The following GRM7 variants were observed in gnomAD, a reference collection of about 807,000 sequenced individuals.
GRM7 encodes the protein glutamate metabotropic receptor 7.
GRM7 carries 35 observed loss-of-function variants against 84.5 expected under a neutral mutation model. The ratio of observed to expected loss-of-function variants is 0.41; its 90% CI spans 0.32 to 0.55. GRM7 has a LOEUF of 0.55. Ranked by LOEUF, GRM7 falls within the 20% of genes least tolerant of loss-of-function variation. The pLI is 0.19. For missense variants in GRM7, 1,003 were observed against 1,194.6 expected (o/e 0.84, Z 2.36); for synonymous variants, 487 against 455.1 (o/e 1.07, Z -0.89).
intron 9 of GRM7, among the ~76,000 whole-genome samples, chr3:7,692,892 T>A (rs1035103082): frequency 2.6e-5 from 4 of 152,138 alleles, no homozygotes; most frequent in African/African-American, 9.7e-5. Context: ...TTGCTAAAGA[T>A]TAGATAGGTC....
intron 8 of GRM7, among the ~76,000 whole-genome samples, chr3:7,642,920 A>G (rs1319523157): frequency 2.0e-5 from 3 of 152,120 alleles, no homozygotes; most frequent in Non-Finnish European, 4.4e-5. Context: ...TGTTATCTAC[A>G]AGCAGAGAAC....
chr3:6,892,170 T>C (rs1695982064), intron 1 of GRM7, among the ~76,000 whole-genome samples: 1 of 152,186 alleles, frequency 6.6e-6, no homozygotes, highest in African/African-American at 2.4e-5. Context: ...TCCTTGAAAC[T>C]GGAAGACAGT....
chr3:7,222,952 G>T (rs915412374), intron 2 of GRM7, among the ~76,000 whole-genome samples: 1 of 152,136 alleles, frequency 6.6e-6, no homozygotes, highest in Non-Finnish European at 1.5e-5. Context: ...AGCATATCTG[G>T]ATAGTGAGTT....
At chr3:7,058,294 C>G (rs1244735487) in intron 1 of GRM7, among the ~76,000 whole-genome samples, 3 of 151,866 alleles carry the variant, frequency 2.0e-5, no homozygotes, top group African/African-American at 4.8e-5. Flanking sequence ...ATTTTTAATT[C>G]ACATATTTAT....
At chr3:6,945,757 A>C (rs1698054091) in intron 1 of GRM7, among the ~76,000 whole-genome samples, 2 of 152,186 alleles carry the variant, frequency 1.3e-5, no homozygotes, top group South Asian at 4.1e-4. Context: ...TCGCCATTCT[A>C]ACCGGTGTGA....
intron 1 of GRM7, among the ~76,000 whole-genome samples, chr3:7,116,772 G>T (rs1169436431): frequency 6.6e-6 from 1 of 151,844 alleles, no homozygotes; most frequent in Non-Finnish European, 1.5e-5. Flanking sequence ...GGTTTATTTT[G>T]TTGCAAAATA....
intron 5 of GRM7, among the ~76,000 whole-genome samples, chr3:7,425,823 G>T (rs1262244990): frequency 1.3e-5 from 2 of 152,120 alleles, no homozygotes; most frequent in Non-Finnish European, 2.9e-5. Context: ...AGCTGAAATG[G>T]TTCTCCTTTT....
At chr3:7,173,626 C>T (rs1389634929) in intron 2 of GRM7, among the ~76,000 whole-genome samples, 1 of 152,122 alleles carries the variant, frequency 6.6e-6, no homozygotes. Flanking sequence ...CTTTGCTGTT[C>T]CTCAAATACA....
chr3:7,703,402 A>T (rs1322909428), intron 9 of GRM7, among the ~76,000 whole-genome samples: 1 of 151,696 alleles, frequency 6.6e-6, no homozygotes, highest in Non-Finnish European at 1.5e-5. Context: ...CTTACTAAAA[A>T]ATTCTTATGA....
chr3:7,287,817 G>A (rs1368018589), intron 2 of GRM7, among the ~76,000 whole-genome samples: 2 of 152,016 alleles, frequency 1.3e-5, no homozygotes, highest in African/African-American at 2.4e-5. Context: ...AGTTTGCTGC[G>A]GGACTAATGT....
chr3:6,994,778 G>A (rs1694774923), intron 1 of GRM7, among the ~76,000 whole-genome samples: 1 of 152,178 alleles, frequency 6.6e-6, no homozygotes, highest in African/African-American at 2.4e-5. Flanking sequence ...TGACCATATA[G>A]TAGGTGCTTT....
chr3:7,691,108 T>TAATC (rs1178676040), intron 9 of GRM7: 16 of 456,384 alleles, frequency 3.5e-5, no homozygotes, highest in Admixed American at 2.5e-4. Context: ...GAATCAAAGG[T>TAATC]AATCATTATT....
chr3:6,912,579 A>G (rs531840334), intron 1 of GRM7, among the ~76,000 whole-genome samples: 6 of 152,284 alleles, frequency 3.9e-5, no homozygotes, highest in South Asian at 2.1e-4. Flanking sequence ...CATACAGATC[A>G]GCTGATTCTA....
intron 2 of GRM7, among the ~76,000 whole-genome samples, chr3:7,194,115 AT>A (rs1412689301): frequency 2.6e-5 from 4 of 152,110 alleles, no homozygotes; most frequent in East Asian, 1.9e-4. Flanking sequence ...TAGAAAAAAA[AT>A]ATTGTATAAA....
intron 1 of GRM7, among the ~76,000 whole-genome samples, chr3:7,061,910 A>G (rs574110514): frequency 6.6e-6 from 1 of 151,818 alleles, no homozygotes; most frequent in South Asian, 2.1e-4. Flanking sequence ...ACAAAATAGC[A>G]TATTCCCTGC....
At chr3:7,218,730 A>G (rs1269418486) in intron 2 of GRM7, among the ~76,000 whole-genome samples, 1 of 152,014 alleles carries the variant, frequency 6.6e-6, no homozygotes, top group East Asian at 1.9e-4. Context: ...CATAATCTCT[A>G]CATTTCTATT....
At chr3:7,586,817 G>A (rs543855709) in intron 8 of GRM7, among the ~76,000 whole-genome samples, 10 of 152,212 alleles carry the variant, frequency 6.6e-5, no homozygotes, top group African/African-American at 1.7e-4. Flanking sequence ...CAAAAAAACC[G>A]CAATGGACCA....
chr3:7,196,877 A>C (rs148068053), intron 2 of GRM7, among the ~76,000 whole-genome samples: 2 of 152,190 alleles, frequency 1.3e-5, no homozygotes, highest in African/African-American at 4.8e-5. Flanking sequence ...ATGTCAGTAC[A>C]CATGAAAGTT....
At chr3:7,162,772 T>C (rs1694672543) in intron 2 of GRM7, among the ~76,000 whole-genome samples, 1 of 105,920 alleles carries the variant, frequency 9.4e-6, no homozygotes, top group Non-Finnish European at 1.8e-5. Flanking sequence ...TTTTTTTTTT[T>C]TTTTTGAGAT....
Sources: allele counts gnomAD v4.1 joint callset (sites outside exome capture counted in the v4.1 genomes callset), GRCh38; gene constraint gnomAD v4.1.1; transcripts MANE v1.5; gene names NCBI Gene and HGNC (gene_info 2026-07-23, HGNC 2026-07-21).